Variants in PCDH7 observed in about 807,000 individuals in gnomAD.
PCDH7 encodes protocadherin 7.
A neutral mutation model predicts 58.9 loss-of-function variants in PCDH7; 17 were observed. The ratio of observed to expected loss-of-function variants is 0.29; its 90% CI spans 0.20 to 0.43. The LOEUF is 0.43. Among genes scored for constraint, PCDH7 ranks in the 20% least tolerant of loss-of-function variants. The pLI is 1.00. For synonymous variants in PCDH7, 664 were observed against 616.4 expected, an observed-to-expected ratio of 1.08 and a Z score of -1.14; for missense variants, 1,274 against 1,441.0, an observed-to-expected ratio of 0.88 and a Z score of 1.88.
exon 1 of PCDH7, chr4:30,724,440 G>C: frequency 6.2e-7 from 1 of 1,614,068 alleles, no homozygotes; most frequent in East Asian, 2.2e-5. Flanking sequence ...CTACTGTTCA[G>C]CTTCATCCCC....
intron 2 of PCDH7, among the ~76,000 whole-genome samples, chr4:30,946,257 A>C (rs925143148): frequency 2.0e-5 from 3 of 152,186 alleles, no homozygotes; most frequent in African/African-American, 7.2e-5. Flanking sequence ...CAGACACACC[A>C]GGTTTTGACA....
chr4:30,803,528 C>T (rs945582986), intron 1 of PCDH7, among the ~76,000 whole-genome samples: 2 of 152,110 alleles, frequency 1.3e-5, no homozygotes, highest in African/African-American at 4.8e-5. Context: ...ACCTCAAACT[C>T]CGGCGCTCAA....
At chr4:30,733,684 G>A (rs530011276), downstream of PCDH7, among the ~76,000 whole-genome samples, 1 of 152,112 alleles carries the variant, frequency 6.6e-6, no homozygotes, top group East Asian at 1.9e-4. Flanking sequence ...AAACTGTGAG[G>A]AAAAGCACCA....
downstream of PCDH7, among the ~76,000 whole-genome samples, chr4:30,736,516 T>A (rs982779304): frequency 1.3e-5 from 2 of 150,966 alleles, no homozygotes; most frequent in African/African-American, 4.9e-5. Context: ...TAATTTATTT[T>A]ATTTATTTAT....
chr4:31,024,889 C>T (rs190492913), intron 3 of PCDH7, among the ~76,000 whole-genome samples: 49 of 152,150 alleles, frequency 3.2e-4, no homozygotes, highest in East Asian at 7.8e-4. Context: ...ACTACAGGCA[C>T]GCACCACCAT....
intron 1 of PCDH7, among the ~76,000 whole-genome samples, chr4:30,884,103 A>C (rs1737361124): frequency 6.6e-6 from 1 of 152,156 alleles, no homozygotes; most frequent in Admixed American, 6.6e-5. Context: ...ATTCAGAACA[A>C]ATTCTAAATA....
chr4:31,016,587 G>A (rs1277092702), intron 3 of PCDH7, among the ~76,000 whole-genome samples: 1 of 152,040 alleles, frequency 6.6e-6, no homozygotes, highest in Admixed American at 6.6e-5. Flanking sequence ...GTAGGAAGTA[G>A]CAGGTTATCA....
At chr4:30,759,883 T>A (rs1283709375) in intron 1 of PCDH7, among the ~76,000 whole-genome samples, 1 of 152,152 alleles carries the variant, frequency 6.6e-6, no homozygotes, top group Non-Finnish European at 1.5e-5. Context: ...TCATAACTCA[T>A]GTGGCTCAAA....
chr4:30,741,448 C>T (rs1717066306), intron 1 of PCDH7, among the ~76,000 whole-genome samples: 1 of 152,126 alleles, frequency 6.6e-6, no homozygotes, highest in African/African-American at 2.4e-5. Context: ...CCCGCCTTGG[C>T]CTCCCATAGT....
rs984638631 is a variant in PCDH7, at chr4:30,931,467, C to T, written c.287+11098C>T. ...GCACATGCTTGTAATCCCAGCTACG[C>T]GGGAGGCTGAGACAGGAGAATCGCT... On this transcript the variant is annotated intron_variant, in intron 2 of 3. Coordinates refer to the PCDH7 transcript ENST00000509759. 1.1e-4 allele frequency among the ~76,000 whole-genome samples: 16 copies of T among 151,894 alleles called. No individual in the cohort carries two copies. In the East Asian group the frequency reaches 2.5e-3, roughly 24 times the overall value.
At chr4:30,896,889 CTTTTTT>C (rs71190474) in intron 1 of PCDH7, among the ~76,000 whole-genome samples, 7 of 27,342 alleles carry the variant, frequency 2.6e-4, no homozygotes, top group East Asian at 2.8e-3. Context: ...TAGTTCTTTG[CTTTTTT>C]TTTTTTTTTT....
chr4:30,945,964 T>G (rs936808166), intron 2 of PCDH7, among the ~76,000 whole-genome samples: 1 of 152,106 alleles, frequency 6.6e-6, no homozygotes, highest in African/African-American at 2.4e-5. Flanking sequence ...TTGACGATTA[T>G]TCAGCCACTA....
At chr4:30,828,498 A>C (rs981191609) in intron 1 of PCDH7, among the ~76,000 whole-genome samples, 7 of 151,972 alleles carry the variant, frequency 4.6e-5, no homozygotes, top group East Asian at 1.9e-4. Flanking sequence ...TCTTCTCTTC[A>C]GTTAAGAGGC....
intron 3 of PCDH7, among the ~76,000 whole-genome samples, chr4:31,085,924 A>C (rs1358853503): frequency 6.7e-6 from 1 of 149,882 alleles, no homozygotes; most frequent in Non-Finnish European, 1.5e-5. Flanking sequence ...TGACCATGTC[A>C]AATCTGTTGA....
intron 3 of PCDH7, among the ~76,000 whole-genome samples, chr4:31,108,308 G>GTACT (rs1277468915): frequency 7.3e-6 from 1 of 137,074 alleles, no homozygotes; most frequent in Non-Finnish European, 1.5e-5. Context: ...CAGCCAGTGT[G>GTACT]TACTGACATA....
chr4:30,985,039 T>C (rs1335567692), intron 3 of PCDH7, among the ~76,000 whole-genome samples: 2 of 152,158 alleles, frequency 1.3e-5, no homozygotes, highest in Admixed American at 6.6e-5. Context: ...TGACCTCCGC[T>C]CACTGCAACC....
At chr4:30,951,424 T>C (rs1747357675) in intron 3 of PCDH7, among the ~76,000 whole-genome samples, 1 of 152,192 alleles carries the variant, frequency 6.6e-6, no homozygotes, top group Non-Finnish European at 1.5e-5. Flanking sequence ...GTATCTTTCA[T>C]GATCTCACTT....
At chr4:31,133,752 T>C (rs967094089) in intron 3 of PCDH7, among the ~76,000 whole-genome samples, 2 of 152,186 alleles carry the variant, frequency 1.3e-5, no homozygotes, top group South Asian at 2.1e-4. Flanking sequence ...AGCAGATTCA[T>C]GTTTGAGTTG....
chr4:30,873,918 T>C (rs1447525325), intron 1 of PCDH7, among the ~76,000 whole-genome samples: 1 of 152,106 alleles, frequency 6.6e-6, no homozygotes, highest in Non-Finnish European at 1.5e-5. Flanking sequence ...AAAGTCTAAA[T>C]AACCCTAACA....
Sources: allele counts gnomAD v4.1 joint callset (sites outside exome capture counted in the v4.1 genomes callset), GRCh38; gene constraint gnomAD v4.1.1; transcripts MANE v1.5; gene names NCBI Gene and HGNC (gene_info 2026-07-23, HGNC 2026-07-21).